Variants in CNTN5 observed in about 807,000 individuals in gnomAD.
CNTN5 encodes contactin 5, also known as contactin-5.
In CNTN5, 77 loss-of-function variants were observed where a neutral mutation model predicts 129.1. The observed-to-expected ratio is 0.60, with a 90% CI of 0.50 to 0.72. The LOEUF (loss-of-function observed/expected upper bound fraction) is 0.72. CNTN5 is among the 30% of genes least tolerant of loss of function. The pLI is 0.00. For synonymous variants in CNTN5, 509 were observed against 465.6 expected, an observed-to-expected ratio of 1.09 and a Z score of -1.20; for missense variants, 1,478 against 1,328.8, an observed-to-expected ratio of 1.11 and a Z score of -1.75.
At chr11:99,317,113 A>G (rs1865375808) in intron 1 of CNTN5, among the ~76,000 whole-genome samples, 1 of 152,164 alleles carries the variant, frequency 6.6e-6, no homozygotes, top group South Asian at 2.1e-4. Flanking sequence ...GGTGTCTGAA[A>G]AGCAGTTTTA....
At chr11:99,848,598 A>G (rs1378632702) in intron 6 of CNTN5, among the ~76,000 whole-genome samples, 3 of 152,176 alleles carry the variant, frequency 2.0e-5, no homozygotes, top group African/African-American at 7.2e-5. Flanking sequence ...AATCGTCAAA[A>G]TGATTGCAAA....
intron 2 of CNTN5, among the ~76,000 whole-genome samples, chr11:99,379,665 A>G (rs1274935143): frequency 6.6e-6 from 1 of 152,192 alleles, no homozygotes; most frequent in Non-Finnish European, 1.5e-5. Flanking sequence ...AGAAAAAAAT[A>G]TGTGTATTGT....
At chr11:100,258,315 G>C (rs997487399) in intron 17 of CNTN5, among the ~76,000 whole-genome samples, 2 of 152,156 alleles carry the variant, frequency 1.3e-5, no homozygotes, top group African/African-American at 2.4e-5. Flanking sequence ...CGTTTGACTG[G>C]TGTACCTGAA....
intron 15 of CNTN5, among the ~76,000 whole-genome samples, chr11:100,205,008 C>G (rs767271811): frequency 6.6e-6 from 1 of 151,834 alleles, no homozygotes; most frequent in Non-Finnish European, 1.5e-5. Flanking sequence ...TGAAAGCCTT[C>G]TTAGATAAAA....
At position 100,285,122 on chromosome 11, in the gene CNTN5, G is replaced by A. The variant is rs562603421; in HGVS notation, c.2315-12503G>A. Among the ~76,000 whole-genome samples the A allele has an allele frequency of 2.2e-3, 334 of 152,240 alleles. 1 individual carries two copies. The highest frequency in any genetic ancestry group is 7.8e-3 in the African/African-American group (324 of 41,540). On this transcript the variant is annotated intron_variant, in intron 18 of 24. Transcript: ENST00000524871. ...TGATAAATGCTCAATATTATTGGAA[G>A]ATATTTTATTGTATCACCTCCATCA... is the stretch of plus-strand genomic sequence containing the variant.
rs77340176 is a variant in CNTN5, at chr11:100,316,677, T to A, written c.2730+8209T>A. Among the ~76,000 whole-genome samples the A allele has an allele frequency of 9.0e-3, 1,371 of 152,332 alleles. 17 individuals are homozygous for A. Among genetic ancestry groups the A allele is most frequent in the African/African-American group, 0.032 (1,321 of 41,570 alleles). ...AACTTTTTTCACTAGAGGTAATTTTTAAAACATTCATATTTCATATTCTGC... is the reference window on the plus strand; with the variant it reads ...AACTTTTTTCACTAGAGGTAATTTTAAAAACATTCATATTTCATATTCTGC... On this transcript the variant is annotated intron_variant, in intron 21 of 24. Coordinates refer to ENST00000524871, the MANE Select transcript of CNTN5 (RefSeq NM_014361.4).
chr11:100,055,945 C>T (rs1943203691), intron 9 of CNTN5, among the ~76,000 whole-genome samples: 1 of 151,466 alleles, frequency 6.6e-6, no homozygotes, highest in African/African-American at 2.4e-5. Flanking sequence ...TGTCTACTAA[C>T]TGATGCCCAT....
intron 3 of CNTN5, among the ~76,000 whole-genome samples, chr11:99,567,142 A>G (rs1000962304): frequency 6.6e-6 from 1 of 152,122 alleles, no homozygotes; most frequent in Admixed American, 6.5e-5. Context: ...CTGTCTGTCT[A>G]TAGGTGTTAC....
intron 1 of CNTN5, among the ~76,000 whole-genome samples, chr11:99,025,203 A>T (rs10892656): frequency 6.6e-6 from 1 of 151,934 alleles, no homozygotes; most frequent in Non-Finnish European, 1.5e-5. Context: ...AAAAGCAAGA[A>T]GCCAATACAT....
intron 3 of CNTN5, among the ~76,000 whole-genome samples, chr11:99,583,106 C>T (rs951154226): frequency 5.3e-5 from 8 of 152,196 alleles, no homozygotes; most frequent in African/African-American, 1.9e-4. Flanking sequence ...CCCTGTTTGC[C>T]TGGGTATCAG....
At chr11:99,535,702 G>C (rs1369304607) in intron 2 of CNTN5, among the ~76,000 whole-genome samples, 1 of 152,136 alleles carries the variant, frequency 6.6e-6, no homozygotes, top group Non-Finnish European at 1.5e-5. Context: ...CAGCAAAGTA[G>C]AAATATTTTA....
At chr11:99,514,194 G>A (rs1048732356) in intron 2 of CNTN5, among the ~76,000 whole-genome samples, 16 of 152,024 alleles carry the variant, frequency 1.1e-4, no homozygotes, top group African/African-American at 2.7e-4. Flanking sequence ...ACATAAAGAC[G>A]TAACTGAATT....
intron 9 of CNTN5, among the ~76,000 whole-genome samples, chr11:100,044,455 G>C (rs1382785658): frequency 6.6e-6 from 1 of 151,390 alleles, no homozygotes; most frequent in Non-Finnish European, 1.5e-5. Flanking sequence ...TACCAACTGT[G>C]TATAAGCATT....
chr11:99,050,580 C>T (rs1384863328), intron 1 of CNTN5, among the ~76,000 whole-genome samples: 1 of 151,552 alleles, frequency 6.6e-6, no homozygotes. Flanking sequence ...AAGTAATATA[C>T]AAGTGTACAC....
intron 2 of CNTN5, among the ~76,000 whole-genome samples, chr11:99,404,237 T>A (rs1941967780): frequency 6.6e-6 from 1 of 151,958 alleles, no homozygotes; most frequent in Admixed American, 6.6e-5. Flanking sequence ...ATTTTCAGAC[T>A]ATGTGTGTAT....
intron 1 of CNTN5, among the ~76,000 whole-genome samples, chr11:99,289,885 C>T (rs1299245242): frequency 1.3e-5 from 2 of 151,818 alleles, no homozygotes; most frequent in African/African-American, 4.8e-5. Flanking sequence ...CTACAGTCAT[C>T]TTGGCTTAAC....
chr11:99,127,532 T>C (rs1315830576), intron 1 of CNTN5, among the ~76,000 whole-genome samples: 1 of 152,106 alleles, frequency 6.6e-6, no homozygotes, highest in Non-Finnish European at 1.5e-5. Context: ...CAGTGCTAAC[T>C]CCATTGCATA....
At chr11:99,081,822 A>G (rs961391864) in intron 1 of CNTN5, among the ~76,000 whole-genome samples, 3 of 152,162 alleles carry the variant, frequency 2.0e-5, no homozygotes, top group African/African-American at 4.8e-5. Flanking sequence ...TAGGGATCTT[A>G]TCAATTATTA....
At chr11:99,315,766 T>A (rs1162291441) in intron 1 of CNTN5, among the ~76,000 whole-genome samples, 2 of 148,826 alleles carry the variant, frequency 1.3e-5, no homozygotes, top group East Asian at 3.9e-4. Flanking sequence ...ATATTGAAAA[T>A]TAGAAGGTGA....
Sources: allele counts gnomAD v4.1 joint callset (sites outside exome capture counted in the v4.1 genomes callset), GRCh38; gene constraint gnomAD v4.1.1; transcripts MANE v1.5; gene names NCBI Gene and HGNC (gene_info 2026-07-23, HGNC 2026-07-21).